Variants in GCC2 observed in about 807,000 individuals in gnomAD.
GCC2 encodes the protein GRIP and coiled-coil domain-containing protein 2.
Under a neutral mutation model 210.6 loss-of-function variants are expected in GCC2, and 120 were observed. The ratio of observed to expected loss-of-function variants is 0.57; its 90% confidence interval spans 0.49 to 0.66. The LOEUF (loss-of-function observed/expected upper bound fraction) is 0.66. Among genes scored for constraint, GCC2 ranks in the 30% least tolerant of loss-of-function variants. The pLI is 0.00. For missense variants in GCC2, 1,868 were observed against 1,871.9 expected, an observed-to-expected ratio of 1.00 and a Z score of 0.04; for synonymous variants, 703 against 652.7, an observed-to-expected ratio of 1.08 and a Z score of -1.17.
At chr2:108,464,568 G>A (rs1336425568) in intron 4 of GCC2, among the ~76,000 whole-genome samples, 2 of 152,216 alleles carry the variant, frequency 1.3e-5, no homozygotes, top group East Asian at 3.9e-4. Context: ...CAACAGGAAT[G>A]TGGACAGCTG....
Position 108,471,931 on chromosome 2 carries a change from A to G in GCC2, c.2602A>G (p.Asn868Asp). The stretch of plus-strand genomic sequence containing the variant: ...TGATCTTCTAGAAATGAAGAATGCT[A>G]ATGAAAAAACAAGGCTTGAAAATCA... Reference protein sequence around the residue: ...QSDLLEMKNANEKTRLENQNL... With the variant: ...QSDLLEMKNADEKTRLENQNL... Residue 868 changes from asparagine to aspartate, a missense_variant, in exon 6 of 23, where the codon AAT becomes GAT. Physicochemically the swap from Asn to Asp is conservative, Grantham distance 23. Around this residue, in one of 3 missense-constraint regions of GCC2, gnomAD observed 1,847 missense variants for 1,765.2 expected, o/e 1.05. Coordinates refer to ENST00000309863, the MANE Select transcript of GCC2 (RefSeq NM_181453.4). 6.2e-7 allele frequency: 1 copy of G among 1,602,888 alleles called. No homozygotes were observed. Among genetic ancestry groups the G allele is most frequent in the East Asian group, 2.2e-5 (1 of 44,804 alleles).
intron 4 of GCC2, among the ~76,000 whole-genome samples, chr2:108,457,357 A>G (rs993891321): frequency 1.3e-5 from 2 of 152,060 alleles, no homozygotes; most frequent in Non-Finnish European, 2.9e-5. Context: ...ATGCTTGTTT[A>G]TATACCAATA....
At chr2:108,503,175 A>G (rs12473124) in intron 22 of GCC2, among the ~76,000 whole-genome samples, 12 of 150,920 alleles carry the variant, frequency 8.0e-5, no homozygotes, top group East Asian at 2.0e-4. Context: ...ATTAAAAAAA[A>G]AAGAAGAAAT....
chr2:108,478,464 T>C (rs1681659379), intron 9 of GCC2, among the ~76,000 whole-genome samples: 1 of 152,146 alleles, frequency 6.6e-6, no homozygotes, highest in African/African-American at 2.4e-5. Flanking sequence ...ATTTGGCTAG[T>C]TTTTTCAGTG....
chr2:108,497,833 A>G (rs1682720250), intron 21 of GCC2, among the ~76,000 whole-genome samples: 1 of 152,180 alleles, frequency 6.6e-6, no homozygotes, highest in South Asian at 2.1e-4. Context: ...GGCTCTACAT[A>G]CGTTATTTAA....
At chr2:108,498,433 A>G (rs1682758365) in intron 21 of GCC2, among the ~76,000 whole-genome samples, 1 of 151,908 alleles carries the variant, frequency 6.6e-6, no homozygotes, top group Admixed American at 6.6e-5. Flanking sequence ...TGACCTCGTG[A>G]TCTGCCTGCC....
In GCC2 at chr2:108,449,216, G is replaced by T; in HGVS notation, c.-59G>T. ...AGTAGAGCCTACGTCAGAGGCTGGC[G>T]CAAACAGAAGTGCAGCGGTGGCGGC... On this transcript the variant is annotated 5_prime_UTR_variant, in exon 1 of 23. Coordinates refer to ENST00000309863, the MANE Select transcript of GCC2 (RefSeq NM_181453.4). 1.3e-6 allele frequency: 2 copies of T among 1,529,972 alleles called. No homozygotes were observed. The highest frequency in any genetic ancestry group is 8.9e-7 in the Non-Finnish European group (1 of 1,129,332). 94.8% of individuals were successfully genotyped at this position (1,529,972 alleles called of 1,614,324 possible). A position where few individuals can be genotyped will look rare whatever the true frequency, so the allele number is the denominator to read the frequency against.
At chr2:108,493,425 T>C in intron 19 of GCC2, 2 of 983,434 alleles carry the variant, frequency 2.0e-6, no homozygotes, top group Non-Finnish European at 2.4e-6. Flanking sequence ...CAGATTTCTT[T>C]CATGTTCTCC....
intron 10 of GCC2, 50 bp from the exon 11 acceptor site, chr2:108,482,237 C>A: frequency 9.5e-7 from 1 of 1,056,438 alleles, no homozygotes; most frequent in Non-Finnish European, 1.4e-6. Flanking sequence ...TCTTCCTCTG[C>A]TGTATATGTT....
Position 108,508,565 on chromosome 2 carries a change from A to G in GCC2, c.*935A>G, listed in dbSNP as rs1286459366. ...TTTTGAGAATCCTCTCCATTTTCCC[A>G]AATAAAAACCTATCACAACAGTGAC... On this transcript the variant is annotated 3_prime_UTR_variant, in exon 23 of 23. Coordinates refer to ENST00000309863, the MANE Select transcript of GCC2 (RefSeq NM_181453.4). The G allele has an allele frequency of 1.4e-5, 2 of 147,344 alleles. No homozygotes were observed. The highest frequency in any genetic ancestry group is 3.0e-5 in the Non-Finnish European group (2 of 67,066). 9.1% of individuals were successfully genotyped at this position (147,344 alleles called of 1,614,324 possible).
intron 18 of GCC2, among the ~76,000 whole-genome samples, chr2:108,490,882 TC>T (rs1481642449): frequency 1.3e-5 from 2 of 152,320 alleles, no homozygotes; most frequent in East Asian, 3.9e-4. Flanking sequence ...TGTTGATTCC[TC>T]TAAAGTAATT....
At chr2:108,484,334 T>C in intron 13 of GCC2, 23 bp downstream of exon 13, 1 of 1,322,790 alleles carries the variant, frequency 7.6e-7, no homozygotes. Flanking sequence ...AAATTCACTT[T>C]ACTTTTTAAT....
At chr2:108,492,432 G>A (rs962045958) in intron 18 of GCC2, 141 bp from the exon 19 acceptor site, 61 of 650,704 alleles carry the variant, frequency 9.4e-5, no homozygotes, top group Non-Finnish European at 1.6e-4. Flanking sequence ...AATGAGTACA[G>A]TGCAGGTATG....
At position 108,486,645 on chromosome 2, in the gene GCC2, C is replaced by A; in HGVS notation, c.3927C>A (p.Ala1309=). The change falls in exon 16 of 23, where the codon GCC becomes GCA. Residue 1309 remains alanine, a synonymous_variant. Transcript: ENST00000309863. ...CACTACAGGAAGAGTGCCGTGCTGC[C>A]AAGGTGCGTTCTTCAGGGCAGCCAC... is the stretch of plus-strand genomic sequence containing the variant. The part of the protein sequence containing the change: ...VTALQEECRA[A]KAEQATVTSE... 6.2e-7 allele frequency: 1 copy of A among 1,609,092 alleles called. No homozygotes were observed. Among genetic ancestry groups the A allele is most frequent in the Non-Finnish European group, 8.5e-7 (1 of 1,178,060 alleles).
intron 13 of GCC2, among the ~76,000 whole-genome samples, chr2:108,485,249 C>T (rs1444282107): frequency 6.6e-6 from 1 of 150,712 alleles, no homozygotes; most frequent in African/African-American, 2.4e-5. Flanking sequence ...CGCAGCACAC[C>T]AGCATGGCAC....
rs1349724143 is a variant in GCC2 at position 108,508,676 on chromosome 2, G to T, written c.*1046G>T. 1.3e-5 allele frequency: 2 copies of T among 152,368 alleles called. No homozygotes were observed. The highest frequency in any genetic ancestry group is 6.6e-5 in the Admixed American group (1 of 15,200). 9.4% of individuals were successfully genotyped at this position (152,368 alleles called of 1,614,324 possible). On this transcript the variant is annotated 3_prime_UTR_variant, in exon 23 of 23. Coordinates refer to ENST00000309863, the MANE Select transcript of GCC2 (RefSeq NM_181453.4). ...GTGTTCCATAAGCTTTCCATCAGAA[G>T]GGATTTTAGACACCTTAGAGGTCCG... is the stretch of plus-strand genomic sequence containing the variant.
Position 108,471,908 on chromosome 2 carries a change from ATCT to A in GCC2, c.2583_2585del (p.Leu862del), listed in dbSNP as rs747772330. 1.9e-6 allele frequency: 3 copies of A among 1,602,122 alleles called. No individual in the cohort carries two copies. Among genetic ancestry groups the A allele is most frequent in the African/African-American group, 1.3e-5 (1 of 74,182 alleles). Reference sequence around the variant, plus strand: ...TCAGAAAAAGAGGCCCTGCAGTCTGATCTTCTAGAAATGAAGAATGCTAATGAA... The same window carrying A: ...TCAGAAAAAGAGGCCCTGCAGTCTGATCTAGAAATGAAGAATGCTAATGAA... On this transcript the variant is annotated inframe_deletion, in exon 6 of 23. Coordinates refer to ENST00000309863, the MANE Select transcript of GCC2 (RefSeq NM_181453.4).
chr2:108,459,912 G>GCGCAATCTTGGCTCACTGCAGTCTC (rs1680476659), intron 4 of GCC2, among the ~76,000 whole-genome samples: 1 of 151,946 alleles, frequency 6.6e-6, no homozygotes, highest in South Asian at 2.1e-4. Context: ...GAGTGCAGTG[G>GCGCAATCTTGGCTCACTGCAGTCTC]CGCAATCTTG....
In GCC2 at chr2:108,471,681, G is replaced by A. The variant is rs1014322616; in HGVS notation, c.2352G>A (p.Gln784=). The change falls in exon 6 of 23, where the codon CAG becomes CAA. Residue 784 remains glutamine, a synonymous_variant. Transcript: ENST00000309863. Reference sequence around the variant, plus strand: ...AGAAAGATGTTGTTAATGTCCTACAGGCAGTCGGTGAATCCTTGGCAAAAA... The same window carrying A: ...AGAAAGATGTTGTTAATGTCCTACAAGCAGTCGGTGAATCCTTGGCAAAAA... ...SEEKDVVNVL[Q]AVGESLAKIN... is the part of the protein sequence containing the mutation. The A allele has an allele frequency of 1.4e-5, 23 of 1,613,570 alleles. No homozygotes were observed. The highest frequency in any genetic ancestry group is 3.3e-5 in the Admixed American group (2 of 59,988).
Sources: gnomAD v4.1 joint callset for allele counts (sites outside exome capture counted in the v4.1 genomes callset) on GRCh38, gnomAD v4.1.1 for gene constraint, gnomAD v4.1.1 regional missense constraint, MANE v1.5 for transcripts, NCBI Gene and HGNC (gene_info 2026-07-23, HGNC 2026-07-21) for gene names.